Variants in MINDY3 observed in about 807,000 individuals in gnomAD.
MINDY3 encodes the protein MINDY lysine 48 deubiquitinase 3, also known as ubiquitin carboxyl-terminal hydrolase MINDY-3.
In MINDY3, 38 loss-of-function variants were observed where a neutral mutation model predicts 69.2. That is an observed-to-expected ratio of 0.55 (90% CI 0.42 to 0.72). The LOEUF (loss-of-function observed/expected upper bound fraction) is 0.72, where lower values mean the gene tolerates loss of function less well. Among genes scored for constraint, MINDY3 ranks in the 30% least tolerant of loss-of-function variants. The probability of loss-of-function intolerance (pLI) is 0.00; values close to 1 mark genes in which losing one functional copy is unlikely to be tolerated. For synonymous variants in MINDY3, 192 were observed against 180.1 expected (o/e 1.07, Z -0.53); for missense variants, 522 against 519.0 (o/e 1.01, Z -0.06).
intron 7 of MINDY3, among the ~76,000 whole-genome samples, chr10:15,834,128 GTTTCA>G (rs1564511997): frequency 2.0e-5 from 3 of 152,018 alleles, no homozygotes; most frequent in African/African-American, 7.2e-5. Flanking sequence ...AACTATCACT[GTTTCA>G]TTGAGTTTTG....
rs1836256863 is a variant in MINDY3, at chr10:15,778,234, C to G, written c.*758G>C. The G allele has an allele frequency of 6.6e-6, 1 of 152,106 alleles. No individual in the cohort carries two copies. Among genetic ancestry groups the G allele is most frequent in the Non-Finnish European group, 1.5e-5 (1 of 68,028 alleles). The allele number at this position is 152,106 out of a possible 1,614,324, so 9.4% of individuals were successfully genotyped here. On this transcript the variant is annotated 3_prime_UTR_variant, in exon 15 of 15. Coordinates refer to ENST00000277632, the MANE Select transcript of MINDY3 (RefSeq NM_024948.4). ...GGATCATAATAAATAACGTAATATA[C>G]TAATGTAATAACAGATCTTCTCATG... is the stretch of plus-strand genomic sequence containing the variant.
intron 10 of MINDY3, among the ~76,000 whole-genome samples, chr10:15,807,285 CAGTT>C (rs1289443827): frequency 4.6e-5 from 7 of 152,240 alleles, no homozygotes; most frequent in East Asian, 3.9e-4. Context: ...TGTGGGAAAT[CAGTT>C]AGTGCCACAA....
chr10:15,816,834 C>T lies in MINDY3; in HGVS notation c.882+1G>A. 1 of 1,610,132 alleles carries T rather than the reference C, an allele frequency of 6.2e-7. No individual in the cohort carries two copies. Among genetic ancestry groups the T allele is most frequent in the South Asian group, 1.1e-5 (1 of 90,732 alleles). ...AAAAAAAAATCCTGCTATAAGCATA[C>T]CTTGGCAAAAAATACGGTGAGGTGA... On this transcript the variant is annotated splice_donor_variant, in intron 10 of 14. Coordinates refer to ENST00000277632, the MANE Select transcript of MINDY3 (RefSeq NM_024948.4). LOFTEE classifies it high-confidence loss of function.
intron 2 of MINDY3, among the ~76,000 whole-genome samples, chr10:15,845,695 A>T (rs923013517): frequency 1.3e-5 from 2 of 149,792 alleles, no homozygotes; most frequent in African/African-American, 4.9e-5. Context: ...TTTTTAGAGC[A>T]GGGGTCTCAC....
chr10:15,851,332 T>G (rs1044765605), intron 1 of MINDY3, among the ~76,000 whole-genome samples: 1 of 152,118 alleles, frequency 6.6e-6, no homozygotes, highest in African/African-American at 2.4e-5. Context: ...ACTCCAGACA[T>G]AGACAGAGTC....
intron 10 of MINDY3, among the ~76,000 whole-genome samples, chr10:15,801,258 G>T (rs569623476): frequency 2.0e-5 from 3 of 152,106 alleles, no homozygotes; most frequent in Non-Finnish European, 4.4e-5. Context: ...AAAGGAAAAG[G>T]CTACTGTTTT....
chr10:15,860,440 G>A lies in MINDY3; in HGVS notation c.-141C>T, dbSNP rs1430685846. On this transcript the variant is annotated 5_prime_UTR_variant, in exon 1 of 15. Transcript: ENST00000277632. ...GAGGCAGGAAAGAAGAAGGGGCTGA[G>A]AGCCACTTGCAGAGACCAAGCCTGT... 1.1e-5 allele frequency: 8 copies of A among 705,632 alleles called. No homozygotes were observed. Among genetic ancestry groups the A allele is most frequent in the East Asian group, 2.7e-5 (1 of 37,140 alleles). 43.7% of individuals were successfully genotyped at this position (705,632 alleles called of 1,614,324 possible).
intron 10 of MINDY3, among the ~76,000 whole-genome samples, chr10:15,800,076 A>T (rs1406432969): frequency 1.3e-5 from 2 of 152,156 alleles, no homozygotes; most frequent in Non-Finnish European, 2.9e-5. Context: ...CTCAATAAAT[A>T]TATTGGAAAT....
At chr10:15,816,696 T>G in intron 10 of MINDY3, 139 bp downstream of exon 10, 1 of 649,018 alleles carries the variant, frequency 1.5e-6, no homozygotes, top group South Asian at 1.9e-5. Context: ...TTCTTCAGTA[T>G]TAGTTTTTGA....
intron 2 of MINDY3, among the ~76,000 whole-genome samples, chr10:15,847,320 T>C (rs1833922824): frequency 6.6e-6 from 1 of 152,216 alleles, no homozygotes. Flanking sequence ...TCCTATGTTT[T>C]GTGCAAAGAA....
At chr10:15,792,168 A>G (rs1431143024) in intron 11 of MINDY3, among the ~76,000 whole-genome samples, 2 of 152,028 alleles carry the variant, frequency 1.3e-5, no homozygotes, top group East Asian at 3.9e-4. Flanking sequence ...CTATATTCCT[A>G]TTGAAAAAGC....
intron 2 of MINDY3, among the ~76,000 whole-genome samples, chr10:15,845,435 A>G (rs561442182): frequency 6.6e-6 from 1 of 152,266 alleles, no homozygotes; most frequent in African/African-American, 2.4e-5. Flanking sequence ...CTCCTTAATA[A>G]CTTAGTTTTG....
chr10:15,842,683 G>T (rs1316433249), intron 3 of MINDY3, among the ~76,000 whole-genome samples: 3 of 151,798 alleles, frequency 2.0e-5, no homozygotes, highest in Non-Finnish European at 3.0e-5. Context: ...GTGAAGGAAA[G>T]ATCTTTGTAA....
chr10:15,810,522 T>C (rs1017058285), intron 10 of MINDY3, among the ~76,000 whole-genome samples: 1 of 152,190 alleles, frequency 6.6e-6, no homozygotes, highest in African/African-American at 2.4e-5. Flanking sequence ...TAGAGATCTA[T>C]TGAATTCTGA....
At chr10:15,803,097 C>T (rs567153902) in intron 10 of MINDY3, among the ~76,000 whole-genome samples, 1 of 152,210 alleles carries the variant, frequency 6.6e-6, no homozygotes, top group Non-Finnish European at 1.5e-5. Flanking sequence ...TTTTGGATCA[C>T]TGTAGAAAAT....
intron 4 of MINDY3, among the ~76,000 whole-genome samples, chr10:15,841,165 AG>A (rs1317658647): frequency 6.6e-6 from 1 of 151,402 alleles, no homozygotes; most frequent in African/African-American, 2.4e-5. Context: ...AGCTCAAAAG[AG>A]ATTATTATCA....
chr10:15,792,852 C>G (rs1354868900), intron 11 of MINDY3, among the ~76,000 whole-genome samples: 4 of 152,006 alleles, frequency 2.6e-5, no homozygotes, highest in African/African-American at 9.7e-5. Context: ...CTATGTAGAC[C>G]TTGATGTCTT....
chr10:15,815,196 G>A (rs533167610), intron 10 of MINDY3, among the ~76,000 whole-genome samples: 2 of 152,230 alleles, frequency 1.3e-5, no homozygotes, highest in South Asian at 4.1e-4. Context: ...GTCAGTTTTT[G>A]TAGTTCACAT....
chr10:15,813,906 A>G (rs770490963), intron 10 of MINDY3, among the ~76,000 whole-genome samples: 16 of 151,700 alleles, frequency 1.1e-4, no homozygotes, highest in Admixed American at 4.6e-4. Flanking sequence ...TTTACAAGGA[A>G]CTGCTGGGGA....
Sources: gnomAD v4.1 joint callset for allele counts (sites outside exome capture counted in the v4.1 genomes callset) on GRCh38, gnomAD v4.1.1 for gene constraint, MANE v1.5 for transcripts, NCBI Gene and HGNC (gene_info 2026-07-23, HGNC 2026-07-21) for gene names.